Variants in SUN1 observed in about 807,000 individuals in gnomAD.
SUN1 encodes the protein SUN domain-containing protein 1.
In SUN1, 61 loss-of-function variants were observed where a neutral mutation model predicts 103.2. That is an observed-to-expected ratio of 0.59 (90% CI 0.48 to 0.73). The LOEUF is 0.73. Ranked by LOEUF, SUN1 falls within the 30% of genes least tolerant of loss-of-function variation. The pLI is 0.00. For missense variants in SUN1, 1,052 were observed against 1,034.6 expected, an observed-to-expected ratio of 1.02 and a Z score of -0.23; for synonymous variants, 490 against 425.7, an observed-to-expected ratio of 1.15 and a Z score of -1.86.
chr7:855,978 G>A (rs567746426), intron 11 of SUN1, among the ~76,000 whole-genome samples: 2 of 152,230 alleles, frequency 1.3e-5, no homozygotes, highest in Non-Finnish European at 2.9e-5. Flanking sequence ...GGTGCTCAGC[G>A]TGGTGCTGCT....
In SUN1 at chr7:852,953, G is replaced by A; in HGVS notation, c.1053+1G>A. On this transcript the variant is annotated splice_donor_variant, in intron 9 of 18. Transcript: ENST00000401592. LOFTEE classifies it high-confidence loss of function. ...TTCTCGCCTGAAGCAGCCTCTGCAG[G>A]TAAGAGGGTAGAAAGGCCTCTCAGC... is the stretch of plus-strand genomic sequence containing the variant. The A allele has an allele frequency of 6.2e-7, 1 of 1,610,870 alleles. No homozygotes were observed. The highest frequency in any genetic ancestry group is 8.5e-7 in the Non-Finnish European group (1 of 1,178,914).
chr7:850,087 G>A, intron 5 of SUN1: 2 of 1,469,016 alleles, frequency 1.4e-6, no homozygotes, highest in South Asian at 2.4e-5. Context: ...TGCTATTTGT[G>A]TCTTGTGTGG....
intron 5 of SUN1, among the ~76,000 whole-genome samples, chr7:848,250 C>T (rs981607088): frequency 9.2e-5 from 14 of 152,194 alleles, no homozygotes; most frequent in Admixed American, 2.6e-4. Flanking sequence ...CTCCGCAGCA[C>T]CCTCTCCAGG....
chr7:852,578 C>A lies in SUN1; in HGVS notation c.852-31C>A, dbSNP rs199508411. On this transcript the variant is annotated intron_variant, in intron 7 of 18. Transcript: ENST00000401592. ...TGGTGAACCCTGACTTTCATTTTTTCTAAGTCAAAGGTTTTCATTGTTACT... is the reference window on the plus strand; with the variant it reads ...TGGTGAACCCTGACTTTCATTTTTTATAAGTCAAAGGTTTTCATTGTTACT... 4 of 1,613,110 alleles carry A rather than the reference C, an allele frequency of 2.5e-6. No homozygotes were observed. In the East Asian group the frequency reaches 8.9e-5, roughly 36 times the overall value.
intron 1 of SUN1, among the ~76,000 whole-genome samples, chr7:818,466 C>T (rs1266053262): frequency 6.6e-6 from 1 of 152,172 alleles, no homozygotes; most frequent in Admixed American, 6.5e-5. Flanking sequence ...CTGTTTGCAC[C>T]TGTTGGCTAG....
chr7:825,084 A>C (rs1462428132), intron 1 of SUN1, among the ~76,000 whole-genome samples: 1 of 149,694 alleles, frequency 6.7e-6, no homozygotes, highest in African/African-American at 2.5e-5. Context: ...TTTTAGGCGG[A>C]GTCTTGCTCG....
chr7:856,532 C>T (rs1562743937), intron 12 of SUN1, 131 bp downstream of exon 12: 7 of 972,870 alleles, frequency 7.2e-6, no homozygotes, highest in South Asian at 2.9e-5. Flanking sequence ...CCCTGAGGTT[C>T]GTGCCGACAG....
intron 1 of SUN1, chr7:817,168 C>T (rs1583606714): frequency 2.0e-6 from 1 of 505,940 alleles, no homozygotes; most frequent in East Asian, 3.7e-5. Flanking sequence ...CTGTGTTTCC[C>T]AGGCTGGTCT....
intron 1 of SUN1, among the ~76,000 whole-genome samples, chr7:826,564 C>A (rs1322204943): frequency 6.6e-6 from 1 of 152,128 alleles, no homozygotes; most frequent in Non-Finnish European, 1.5e-5. Context: ...GAGGAGGGGC[C>A]TGTGTGTCCC....
chr7:827,919 T>C (rs921129312), upstream of SUN1, among the ~76,000 whole-genome samples: 1 of 152,222 alleles, frequency 6.6e-6, no homozygotes, highest in East Asian at 1.9e-4. Flanking sequence ...TTTGTTCGTT[T>C]GTTTTTTTGA....
Position 873,574 on chromosome 7 carries a change from CAG to C in SUN1, c.*245_*246del, listed in dbSNP as rs2128614899. The C allele has an allele frequency of 4.4e-6, 2 of 453,810 alleles. No individual in the cohort carries two copies. Among genetic ancestry groups the C allele is most frequent in the Admixed American group, 3.9e-5 (1 of 25,684 alleles). 28.1% of individuals were successfully genotyped at this position (453,810 alleles called of 1,614,324 possible). A position where few individuals can be genotyped will look rare whatever the true frequency, so the allele number is the denominator to read the frequency against. Reference sequence around the variant, plus strand: ...AGAAGCGTGTTGAACACGTGGCTCTCAGACACTCCTTGTTTTTAACGGGAAGC... The same window carrying C: ...AGAAGCGTGTTGAACACGTGGCTCTCACACTCCTTGTTTTTAACGGGAAGC... On this transcript the variant is annotated 3_prime_UTR_variant, in exon 19 of 19. Transcript: ENST00000401592.
intron 17 of SUN1, among the ~76,000 whole-genome samples, chr7:872,141 G>C (rs979425457): frequency 1.3e-5 from 2 of 152,208 alleles, no homozygotes; most frequent in African/African-American, 4.8e-5. Context: ...TGAGTGCTGA[G>C]GGCAGCAGCT....
chr7:849,192 G>A (rs564123444), intron 5 of SUN1, among the ~76,000 whole-genome samples: 3 of 152,314 alleles, frequency 2.0e-5, no homozygotes, highest in African/African-American at 7.2e-5. Context: ...TCCTGACCTC[G>A]TGATCGCCCG....
At position 817,074 on chromosome 7, in the gene SUN1, T is replaced by A. The variant is rs922061217; in HGVS notation, c.-74+401T>A. On this transcript the variant is annotated intron_variant, in intron 1 of 17. Coordinates refer to the SUN1 transcript ENST00000389574. ...CCCGGGCTGCCCGCCTGGACCCCGTTGCGGGGTCCCAGCCCCTGGAAGTAG... is the reference window on the plus strand; with the variant it reads ...CCCGGGCTGCCCGCCTGGACCCCGTAGCGGGGTCCCAGCCCCTGGAAGTAG... Among the ~76,000 whole-genome samples the A allele has an allele frequency of 1.8e-4, 28 of 151,842 alleles. No homozygotes were observed. The South Asian group carries it at 4.8e-3, about 26-fold the overall frequency.
At chr7:854,769 T>C (rs934148195) in intron 10 of SUN1, 151 bp from the exon 11 acceptor site, 29 of 543,138 alleles carry the variant, frequency 5.3e-5, no homozygotes, top group Non-Finnish European at 9.2e-5. Flanking sequence ...GATATTGTTA[T>C]GAAGCGGATT....
At chr7:821,115 G>T (rs935700936) in intron 1 of SUN1, among the ~76,000 whole-genome samples, 2 of 148,448 alleles carry the variant, frequency 1.3e-5, no homozygotes, top group African/African-American at 5.0e-5. Context: ...TCTCAAAGGG[G>T]TATGTGGAAG....
At chr7:816,485 C>A, upstream of SUN1, 1 of 238,542 alleles carries the variant, frequency 4.2e-6, no homozygotes, top group Non-Finnish European at 8.6e-6. Context: ...CCTCCTCGCC[C>A]CTCCGCCCGC....
chr7:826,420 G>A (rs1033233956), intron 1 of SUN1, among the ~76,000 whole-genome samples: 9 of 152,306 alleles, frequency 5.9e-5, no homozygotes, highest in African/African-American at 1.9e-4. Flanking sequence ...AGGTCCCTGA[G>A]GGAAGGATCT....
At chr7:857,769 G>A (rs1470226602) in intron 12 of SUN1, 59 bp from the exon 13 acceptor site, 2 of 1,476,952 alleles carry the variant, frequency 1.4e-6, no homozygotes, top group Non-Finnish European at 1.8e-6. Flanking sequence ...TGTGTGTAGT[G>A]TGGGAAGCGT....
Sources: gnomAD v4.1 joint callset for allele counts (sites outside exome capture counted in the v4.1 genomes callset) on GRCh38, gnomAD v4.1.1 for gene constraint, MANE v1.5 for transcripts, NCBI Gene and HGNC (gene_info 2026-07-23, HGNC 2026-07-21) for gene names.